Variants in RAB11FIP3 observed in about 807,000 individuals in gnomAD.
RAB11FIP3 encodes rab11 family-interacting protein 3.
RAB11FIP3 carries 17 observed loss-of-function variants against 77.8 expected under a neutral mutation model. The observed-to-expected ratio is 0.22, with a 90% CI of 0.15 to 0.33. The LOEUF (loss-of-function observed/expected upper bound fraction) is 0.33, where lower values mean the gene tolerates loss of function less well. Among genes scored for constraint, RAB11FIP3 ranks in the 10% least tolerant of loss-of-function variants. The probability of loss-of-function intolerance (pLI) is 1.00; values close to 1 mark genes in which losing one functional copy is unlikely to be tolerated. For missense variants in RAB11FIP3, 1,005 were observed against 1,011.2 expected (o/e 0.99, Z 0.08); for synonymous variants, 437 against 448.2 (o/e 0.98, Z 0.31).
intron 9 of RAB11FIP3, among the ~76,000 whole-genome samples, chr16:516,822 C>T (rs1393559458): frequency 2.0e-5 from 3 of 152,024 alleles, no homozygotes; most frequent in Non-Finnish European, 4.4e-5. Context: ...GGTTGCACTC[C>T]AGCTTGGGCG....
chr16:441,356 C>G (rs112066361), intron 1 of RAB11FIP3, among the ~76,000 whole-genome samples: 5 of 152,294 alleles, frequency 3.3e-5, no homozygotes, highest in South Asian at 2.1e-4. Flanking sequence ...TAAACAAACC[C>G]ATGCTCTAGG....
At chr16:475,809 C>T (rs892891609) in intron 3 of RAB11FIP3, among the ~76,000 whole-genome samples, 2 of 152,202 alleles carry the variant, frequency 1.3e-5, no homozygotes, top group African/African-American at 2.4e-5. Flanking sequence ...CTACAGTGCA[C>T]GGAGCCACTC....
At chr16:493,387 G>T (rs189308419) in intron 5 of RAB11FIP3, among the ~76,000 whole-genome samples, 2 of 152,012 alleles carry the variant, frequency 1.3e-5, no homozygotes, top group Non-Finnish European at 1.5e-5. Flanking sequence ...TTGCGTTTTA[G>T]TTTCCATGGA....
chr16:521,163 A>G lies in RAB11FIP3; in HGVS notation c.*324A>G, dbSNP rs1368851705. The stretch of plus-strand genomic sequence containing the variant: ...AGTCAAGCTGGCCATGAACGCGTAC[A>G]CTTCAGTTCAGCAGGATGGGCTGGA... On this transcript the variant is annotated 3_prime_UTR_variant, in exon 14 of 14. Transcript: ENST00000262305. 1 of 405,072 alleles carries G rather than the reference A, an allele frequency of 2.5e-6. No individual in the cohort carries two copies. Among genetic ancestry groups the G allele is most frequent in the Non-Finnish European group, 4.6e-6 (1 of 217,266 alleles). 25.1% of individuals were successfully genotyped at this position (405,072 alleles called of 1,614,324 possible).
intron 1 of RAB11FIP3, among the ~76,000 whole-genome samples, chr16:444,173 G>A (rs1444685591): frequency 6.6e-6 from 1 of 152,150 alleles, no homozygotes; most frequent in Non-Finnish European, 1.5e-5. Context: ...AGTTTCTGTA[G>A]GGTTTCTTTC....
chr16:510,477 C>G, intron 8 of RAB11FIP3, 183 bp from the exon 9 acceptor site: 1 of 655,832 alleles, frequency 1.5e-6, no homozygotes, highest in South Asian at 2.0e-5. Context: ...GGAGGCGAGG[C>G]CATCTGGGGG....
intron 9 of RAB11FIP3, among the ~76,000 whole-genome samples, chr16:516,937 C>T (rs925908113): frequency 6.6e-6 from 1 of 152,242 alleles, no homozygotes; most frequent in African/African-American, 2.4e-5. Flanking sequence ...GACACTCCCT[C>T]CAGGAGGCGG....
At chr16:476,478 C>T (rs2055910139) in intron 3 of RAB11FIP3, among the ~76,000 whole-genome samples, 1 of 152,148 alleles carries the variant, frequency 6.6e-6, no homozygotes, top group Non-Finnish European at 1.5e-5. Context: ...ATGCTCTGCT[C>T]AGGGCTCCAT....
chr16:518,155 T>C (rs1174722411), intron 9 of RAB11FIP3, among the ~76,000 whole-genome samples: 1 of 152,226 alleles, frequency 6.6e-6, no homozygotes, highest in African/African-American at 2.4e-5. Context: ...CACAGCTCAC[T>C]GCAGCCTTGT....
chr16:518,846 G>T, intron 9 of RAB11FIP3, 97 bp from the exon 10 acceptor site: 1 of 1,275,642 alleles, frequency 7.8e-7, no homozygotes, highest in Admixed American at 1.7e-5. Flanking sequence ...GTTGGTCACA[G>T]GGCGGCCCCA....
chr16:508,781 A>G (rs1337350915), intron 8 of RAB11FIP3, among the ~76,000 whole-genome samples: 2 of 152,214 alleles, frequency 1.3e-5, no homozygotes, highest in Non-Finnish European at 2.9e-5. Flanking sequence ...AACATCTGCT[A>G]GTCACACAGT....
intron 5 of RAB11FIP3, among the ~76,000 whole-genome samples, chr16:493,357 T>C (rs35708062): frequency 0.49 from 74,082 of 151,876 alleles, 18,362 homozygotes; most frequent in Middle Eastern, 0.63. Context: ...CCATAACCCT[T>C]AGTGGAGGAG....
intron 1 of RAB11FIP3, among the ~76,000 whole-genome samples, chr16:455,556 G>A (rs1447230225): frequency 2.6e-5 from 4 of 152,058 alleles, no homozygotes; most frequent in Admixed American, 6.6e-5. Context: ...GTGGGTGATC[G>A]GATATGACTG....
intron 1 of RAB11FIP3, among the ~76,000 whole-genome samples, chr16:434,425 G>C (rs1437195163): frequency 6.7e-6 from 1 of 149,842 alleles, no homozygotes; most frequent in Admixed American, 6.6e-5. Context: ...CACCCTGCCA[G>C]ATGTATACTT....
At chr16:430,314 T>G (rs2055016118) in intron 1 of RAB11FIP3, among the ~76,000 whole-genome samples, 1 of 152,116 alleles carries the variant, frequency 6.6e-6, no homozygotes, top group Non-Finnish European at 1.5e-5. Context: ...TGTTTTGTTT[T>G]TAAAGATTAT....
At chr16:494,826 C>CAGGGAGG (rs1441208174) in intron 5 of RAB11FIP3, among the ~76,000 whole-genome samples, 1 of 151,300 alleles carries the variant, frequency 6.6e-6, no homozygotes, top group African/African-American at 2.5e-5. Context: ...TCACATGAGC[C>CAGGGAGG]TGGGAGGTCG....
At chr16:467,630 T>A (rs373675611) in intron 2 of RAB11FIP3, among the ~76,000 whole-genome samples, 28 of 53,506 alleles carry the variant, frequency 5.2e-4, no homozygotes, top group East Asian at 6.6e-4. Flanking sequence ...GAGGAGGTGC[T>A]GGGGCCTCAG....
rs1419805762 is a variant in RAB11FIP3, at chr16:492,481, G to GA, written c.1265+3481_1265+3482insA. On this transcript the variant is annotated intron_variant, in intron 5 of 13. Transcript: ENST00000262305. ...TCCCGGGGAGACCCGAGGCCGCCCA[G>GA]GGCCCTCCCGGGAGACCCGAGGCCG... Among the ~76,000 whole-genome samples the GA allele has an allele frequency of 2.3e-4, 25 of 107,330 alleles. 2 individuals carry two copies. Among genetic ancestry groups the GA allele is most frequent in the Admixed American group, 6.6e-4 (7 of 10,598 alleles). The allele number at this position is 107,330 out of a possible 152,430, so 70.4% of individuals were successfully genotyped here.
At chr16:484,771 C>T (rs931398360) in intron 4 of RAB11FIP3, among the ~76,000 whole-genome samples, 2 of 152,194 alleles carry the variant, frequency 1.3e-5, no homozygotes, top group African/African-American at 4.8e-5. Flanking sequence ...AGTTCACTGT[C>T]GTTGGCTTTG....
Sources: gnomAD v4.1 joint callset for allele counts (sites outside exome capture counted in the v4.1 genomes callset) on GRCh38, gnomAD v4.1.1 for gene constraint, MANE v1.5 for transcripts, NCBI Gene and HGNC (gene_info 2026-07-23, HGNC 2026-07-21) for gene names.